The following KCNMA1 variants were observed in gnomAD, a reference collection of about 807,000 sequenced individuals.
The protein encoded by KCNMA1 is Calcium-activated potassium channel subunit alpha-1.
KCNMA1 carries 29 observed loss-of-function variants against 140.0 expected under a neutral mutation model. The ratio of observed to expected loss-of-function variants is 0.21; its 90% CI spans 0.15 to 0.28. KCNMA1 has a LOEUF of 0.28. Ranked by LOEUF, KCNMA1 falls within the 10% of genes least tolerant of loss-of-function variation. The pLI is 1.00. For synonymous variants in KCNMA1, 612 were observed against 611.9 expected (o/e 1.00, Z 0.00); for missense variants, 880 against 1,602.2 (o/e 0.55, Z 7.70).
chr10:77,505,200 G>C (rs1220584342), intron 1 of KCNMA1, among the ~76,000 whole-genome samples: 1 of 152,198 alleles, frequency 6.6e-6, no homozygotes, highest in Non-Finnish European at 1.5e-5. Context: ...GTGGTACCTG[G>C]GTAGCAAGTT....
chr10:77,504,075 TCCATCAG>T, intron 1 of KCNMA1, among the ~76,000 whole-genome samples: 1 of 152,168 alleles, frequency 6.6e-6, no homozygotes, highest in Non-Finnish European at 1.5e-5. Context: ...GGGTAGCATC[TCCATCAG>T]CTGACGTGTT....
chr10:76,930,156 C>T (rs2058898230), intron 23 of KCNMA1: 3 of 152,124 alleles, frequency 2.0e-5, no homozygotes, highest in South Asian at 4.1e-4. Context: ...AAAATCTGCA[C>T]AGCAAAGAAA....
intron 3 of KCNMA1, among the ~76,000 whole-genome samples, chr10:77,242,685 A>G (rs552637265): frequency 6.6e-6 from 1 of 152,258 alleles, no homozygotes; most frequent in Non-Finnish European, 1.5e-5. Flanking sequence ...AAGATCTAGC[A>G]TTATACATAA....
chr10:77,367,539 T>G (rs2094441029), intron 2 of KCNMA1, among the ~76,000 whole-genome samples: 1 of 152,174 alleles, frequency 6.6e-6, no homozygotes, highest in South Asian at 2.1e-4. Flanking sequence ...GAATCTGCAC[T>G]TTTCAAAAGT....
intron 9 of KCNMA1, among the ~76,000 whole-genome samples, chr10:77,106,361 G>T (rs2097198226): frequency 6.6e-6 from 1 of 152,114 alleles, no homozygotes; most frequent in Non-Finnish European, 1.5e-5. Context: ...GTGATCTGAA[G>T]TCATCAGCAC....
At chr10:76,993,295 A>G (rs1261923656) in intron 19 of KCNMA1, among the ~76,000 whole-genome samples, 2 of 152,188 alleles carry the variant, frequency 1.3e-5, no homozygotes, top group Non-Finnish European at 2.9e-5. Context: ...GTAGATCCCC[A>G]AGGCCAGTGG....
chr10:77,575,467 G>A (rs555609302), intron 1 of KCNMA1, among the ~76,000 whole-genome samples: 26 of 152,156 alleles, frequency 1.7e-4, no homozygotes, highest in Non-Finnish European at 3.2e-4. Flanking sequence ...CCTCCAAAAC[G>A]GGAATCTTGG....
At chr10:77,133,646 A>G (rs1209064829) in intron 5 of KCNMA1, among the ~76,000 whole-genome samples, 1 of 152,156 alleles carries the variant, frequency 6.6e-6, no homozygotes, top group Non-Finnish European at 1.5e-5. Flanking sequence ...ACCTAAAAGT[A>G]TTCCTTTGAG....
intron 19 of KCNMA1, chr10:76,973,281 T>C (rs570959575): frequency 6.6e-6 from 1 of 152,318 alleles, no homozygotes; most frequent in Non-Finnish European, 1.5e-5. Flanking sequence ...GGAGCTGAAC[T>C]CCATCCAGTC....
At chr10:77,307,205 T>G (rs7906039) in intron 2 of KCNMA1, among the ~76,000 whole-genome samples, 1 of 152,176 alleles carries the variant, frequency 6.6e-6, no homozygotes, top group African/African-American at 2.4e-5. Context: ...TGGTTTTACA[T>G]AGCTCATCCA....
intron 25 of KCNMA1, among the ~76,000 whole-genome samples, chr10:76,897,975 A>G (rs371680771): frequency 3.9e-5 from 6 of 152,012 alleles, no homozygotes; most frequent in Admixed American, 2.0e-4. Flanking sequence ...TTAAAAATAG[A>G]ATGGAAAGTT....
chr10:77,455,459 T>A (rs2097745676), intron 1 of KCNMA1, among the ~76,000 whole-genome samples: 1 of 152,208 alleles, frequency 6.6e-6, no homozygotes, highest in East Asian at 1.9e-4. Flanking sequence ...ATTCCCTACT[T>A]TGAGTGCTCC....
intron 1 of KCNMA1, 41 bp from the exon 2 acceptor site, chr10:77,404,064 T>A: frequency 6.2e-7 from 1 of 1,602,772 alleles, no homozygotes; most frequent in South Asian, 1.1e-5. Context: ...TAGGGAACAA[T>A]GGATTTAAAT....
intron 1 of KCNMA1, among the ~76,000 whole-genome samples, chr10:77,434,064 A>C (rs1038134737): frequency 6.6e-6 from 1 of 152,150 alleles, no homozygotes; most frequent in African/African-American, 2.4e-5. Flanking sequence ...TTCCTCACTC[A>C]ACACACGGGA....
intron 24 of KCNMA1, chr10:76,910,384 T>C (rs2049669751): frequency 2.5e-6 from 1 of 407,554 alleles, no homozygotes; most frequent in Non-Finnish European, 4.7e-6. Context: ...TCCTTTGGCA[T>C]AGCTTTAGGA....
In KCNMA1 at chr10:77,108,680, C is replaced by T. The variant is rs990096866; in HGVS notation, c.1132-108G>A. ...GATCTGAAAACACAAAAGGATTAGG[C>T]CTGCAAAGGTATATATTGATATGTT... On this transcript the variant is annotated intron_variant, in intron 8 of 27. Coordinates refer to ENST00000286628, the MANE Select transcript of KCNMA1 (RefSeq NM_001161352.2). This position sits in a 1 kb window ranked among gnomAD's most constrained non-coding sequence, Gnocchi z 4.6. 1.2e-6 allele frequency: 1 copy of T among 820,260 alleles called. No homozygotes were observed. Among genetic ancestry groups the T allele is most frequent in the Non-Finnish European group, 2.1e-6 (1 of 477,986 alleles). The allele number at this position is 820,260 out of a possible 1,614,324, so 50.8% of individuals were successfully genotyped here. A position where few individuals can be genotyped will look rare whatever the true frequency, so the allele number is the denominator to read the frequency against.
intron 1 of KCNMA1, among the ~76,000 whole-genome samples, chr10:77,540,321 T>G (rs977949060): frequency 1.3e-5 from 2 of 152,216 alleles, no homozygotes; most frequent in African/African-American, 4.8e-5. Flanking sequence ...CTAACAGTGA[T>G]TGAGCACCTA....
At chr10:77,387,080 C>T (rs905405406) in intron 2 of KCNMA1, among the ~76,000 whole-genome samples, 1 of 152,084 alleles carries the variant, frequency 6.6e-6, no homozygotes, top group Non-Finnish European at 1.5e-5. Flanking sequence ...CTGTGATCAG[C>T]GTGTGCTTCA....
chr10:77,324,971 C>CTCTCTCTCTCTCTCTCTCTCTGTG (rs766240356), intron 2 of KCNMA1, among the ~76,000 whole-genome samples: 5 of 90,378 alleles, frequency 5.5e-5, no homozygotes, highest in Non-Finnish European at 1.1e-4. Context: ...CTCTCTCTCT[C>CTCTCTCTCTCTCTCTCTCTCTGTG]TGTGTGTGTG....
Sources: allele counts gnomAD v4.1 joint callset (sites outside exome capture counted in the v4.1 genomes callset), GRCh38; gene constraint gnomAD v4.1.1; non-coding constraint Gnocchi (gnomAD v3.1); transcripts MANE v1.5; gene names NCBI Gene and HGNC (gene_info 2026-07-23, HGNC 2026-07-21).